SMARCA2: variants seen among roughly 807,000 people sequenced by gnomAD.
The protein encoded by SMARCA2 is SWI/SNF related BAF chromatin remodeling complex subunit ATPase 2.
A neutral mutation model predicts 199.8 loss-of-function variants in SMARCA2; 61 were observed. The observed-to-expected ratio is 0.31, with a 90% CI of 0.25 to 0.38. SMARCA2 has a LOEUF of 0.38. Ranked by LOEUF, SMARCA2 falls within the 10% of genes least tolerant of loss-of-function variation. SMARCA2 has a pLI of 1.00. For missense variants in SMARCA2, 1,344 were observed against 2,012.2 expected (o/e 0.67, Z 6.35); for synonymous variants, 935 against 732.0 (o/e 1.28, Z -4.48).
chr9:2,159,923 T>C (rs750728602), intron 27 of SMARCA2: 10 of 1,604,932 alleles, frequency 6.2e-6, no homozygotes, highest in Admixed American at 1.7e-5. Context: ...AATATCCTTT[T>C]TCGTTGCCGT....
intron 27 of SMARCA2, among the ~76,000 whole-genome samples, chr9:2,137,040 T>G (rs1392593402): frequency 6.6e-6 from 1 of 152,168 alleles, no homozygotes; most frequent in African/African-American, 2.4e-5. Flanking sequence ...GCTAGGAGAC[T>G]CAAGCCTTCT....
chr9:2,063,901 T>C (rs1177766408), intron 9 of SMARCA2, among the ~76,000 whole-genome samples: 1 of 152,208 alleles, frequency 6.6e-6, no homozygotes, highest in African/African-American at 2.4e-5. Context: ...GAAGTACACA[T>C]TTATAAATCA....
Position 2,070,486 on chromosome 9 carries a change from T to C in SMARCA2, c.1746+15T>C, listed in dbSNP as rs777489772. 6.2e-7 allele frequency: 1 copy of C among 1,601,992 alleles called. No individual in the cohort carries two copies. Among genetic ancestry groups the C allele is most frequent in the Non-Finnish European group, 8.6e-7 (1 of 1,169,190 alleles). On this transcript the variant is annotated intron_variant, in intron 10 of 33. Coordinates refer to ENST00000349721, the MANE Select transcript of SMARCA2 (RefSeq NM_003070.5). The stretch of plus-strand genomic sequence containing the variant: ...CGGATGGAGAGGTAAGGGATCGTCA[T>C]CCTTTCCACTGTGTTCTGCTGAATG...
At chr9:2,153,798 G>A (rs563669520) in intron 27 of SMARCA2, among the ~76,000 whole-genome samples, 3 of 151,664 alleles carry the variant, frequency 2.0e-5, no homozygotes, top group South Asian at 2.1e-4. Flanking sequence ...GGTTCCACAC[G>A]TCTATGCAAA....
intron 27 of SMARCA2, chr9:2,160,427 C>A: frequency 1.8e-6 from 1 of 543,250 alleles, no homozygotes; most frequent in Non-Finnish European, 3.3e-6. Flanking sequence ...TTTTAAAAAT[C>A]CCACTGGCAT....
At chr9:2,153,201 A>G (rs1301881147) in intron 27 of SMARCA2, among the ~76,000 whole-genome samples, 6 of 152,344 alleles carry the variant, frequency 3.9e-5, no homozygotes, top group East Asian at 3.9e-4. Flanking sequence ...TGTATTCTAT[A>G]TCGTAAGTTA....
At position 2,096,600 on chromosome 9, in the gene SMARCA2, T is replaced by A. The variant is rs890594076; in HGVS notation, c.2884-57T>A. On this transcript the variant is annotated intron_variant, in intron 19 of 33. Transcript: ENST00000349721. ...AGTGACACTGACTCAGCAGTCTTCT[T>A]AGAACAGGCGCCTTCTCCTTCCTGC... The A allele has an allele frequency of 1.9e-5, 21 of 1,083,186 alleles. No homozygotes were observed. In the African/African-American group the frequency reaches 2.9e-4, roughly 15 times the overall value. 67.1% of individuals were successfully genotyped at this position (1,083,186 alleles called of 1,614,324 possible). A position where few individuals can be genotyped will look rare whatever the true frequency, so the allele number is the denominator to read the frequency against.
At chr9:2,114,392 C>G (rs536724468) in intron 24 of SMARCA2, among the ~76,000 whole-genome samples, 32 of 152,192 alleles carry the variant, frequency 2.1e-4, no homozygotes, top group Non-Finnish European at 1.5e-5. Flanking sequence ...TCCAGGGCAG[C>G]CTTTTGTCTG....
intron 29 of SMARCA2, among the ~76,000 whole-genome samples, chr9:2,174,027 T>C (rs889323337): frequency 1.3e-5 from 2 of 152,230 alleles, no homozygotes; most frequent in African/African-American, 4.8e-5. Context: ...GACTCGATAC[T>C]TATTTATGGT....
In SMARCA2 at chr9:2,192,755, T is replaced by A. The variant is rs768982865; in HGVS notation, c.*16T>A. ...TGATGAGTGATCAGTATGGACCTTT[T>A]TCCTTGGTAGAACTGAATTCCTTCC... On this transcript the variant is annotated 3_prime_UTR_variant, in exon 34 of 34. Transcript: ENST00000349721. 1 of 1,594,892 alleles carries A rather than the reference T, an allele frequency of 6.3e-7. No individual in the cohort carries two copies. The highest frequency in any genetic ancestry group is 8.6e-7 in the Non-Finnish European group (1 of 1,162,698).
At chr9:2,160,506 G>A in intron 27 of SMARCA2, 5 of 622,898 alleles carry the variant, frequency 8.0e-6, no homozygotes, top group South Asian at 5.6e-5. Context: ...TTTTCAGGAA[G>A]CGTTGTACAT....
chr9:2,029,289 T>C lies in SMARCA2; in HGVS notation c.225+42T>C. ...CCATTCAAACTCAACTTCTGATAAG[T>C]GGATGGCTAATATTTCTGATAACCC... On this transcript the variant is annotated intron_variant, in intron 2 of 33. Coordinates refer to ENST00000349721, the MANE Select transcript of SMARCA2 (RefSeq NM_003070.5). 3 of 1,572,400 alleles carry C rather than the reference T, an allele frequency of 1.9e-6. No homozygotes were observed. In the South Asian group the frequency reaches 3.5e-5, roughly 18 times the overall value.
rs1563780933 is a variant in SMARCA2 at position 2,119,439 on chromosome 9, ACT to A, written c.3685-16_3685-15del. The A allele has an allele frequency of 1.3e-6, 2 of 1,583,256 alleles. No homozygotes were observed. The highest frequency in any genetic ancestry group is 1.7e-5 in the Admixed American group (1 of 59,984). ...CCCCAGCTGTCCACTGGTTAAAATC[ACT>A]CTGTTTTTAACCCCAGGAAGAAGAT... On this transcript the variant is annotated splice_polypyrimidine_tract_variant and intron_variant, in intron 25 of 33. Transcript: ENST00000349721. This position sits in a 1 kb window ranked among gnomAD's most constrained non-coding sequence, Gnocchi z 4.6.
rs369281552 is a variant in SMARCA2 at position 2,084,248 on chromosome 9, T to G, written c.2526+52T>G. On this transcript the variant is annotated intron_variant, in intron 17 of 33. Coordinates refer to ENST00000349721, the MANE Select transcript of SMARCA2 (RefSeq NM_003070.5). Reference sequence around the variant, plus strand: ...TCTAATTAGGACCATTGCACTGGAATGTGAAGTATTGCCCAAGTCAGTAGT... The same window carrying G: ...TCTAATTAGGACCATTGCACTGGAAGGTGAAGTATTGCCCAAGTCAGTAGT... 5.6e-4 allele frequency: 512 copies of G among 913,272 alleles called. 1 individual carries two copies. The highest frequency in any genetic ancestry group is 8.2e-4 in the Non-Finnish European group (468 of 571,434). 56.6% of individuals were successfully genotyped at this position (913,272 alleles called of 1,614,324 possible). A position where few individuals can be genotyped will look rare whatever the true frequency, so the allele number is the denominator to read the frequency against.
chr9:2,105,336 C>A (rs1480396305), intron 23 of SMARCA2, among the ~76,000 whole-genome samples: 1 of 152,120 alleles, frequency 6.6e-6, no homozygotes, highest in Non-Finnish European at 1.5e-5. Flanking sequence ...ACTTCTGCCA[C>A]CCGGGTTCAG....
intron 32 of SMARCA2, among the ~76,000 whole-genome samples, chr9:2,188,393 C>G (rs1827640737): frequency 6.6e-6 from 1 of 152,074 alleles, no homozygotes; most frequent in Non-Finnish European, 1.5e-5. Context: ...ACATAAGCGA[C>G]TCTTTCCCAA....
chr9:2,173,111 G>C (rs1435893614), intron 29 of SMARCA2, among the ~76,000 whole-genome samples: 1 of 152,194 alleles, frequency 6.6e-6, no homozygotes, highest in East Asian at 1.9e-4. Flanking sequence ...TCTCTGCCCT[G>C]AGTGATCAGT....
chr9:2,186,103 A>C lies in SMARCA2; in HGVS notation c.4469A>C (p.Glu1490Ala). 6.2e-7 allele frequency: 1 copy of C among 1,614,034 alleles called. No homozygotes were observed. Among genetic ancestry groups the C allele is most frequent in the Non-Finnish European group, 8.5e-7 (1 of 1,179,902 alleles). The change falls in exon 32 of 34, where the codon GAA becomes GCA. Residue 1490 changes from glutamate (E) to alanine (A), a missense_variant. Glu to Ala is a moderately radical substitution (Grantham distance 107, BLOSUM62 -1). Transcript: ENST00000349721. The stretch of plus-strand genomic sequence containing the variant: ...GCCCCTTTGACCATTTAGATCTATG[A>C]AGACTCCATCGTCTTACAGTCAGTG... ...TFNLEGSQIY[E>A]DSIVLQSVFK...
In SMARCA2 at chr9:2,073,609, G is replaced by T; in HGVS notation, c.1921G>T (p.Asp641Tyr). 1 of 1,610,092 alleles carries T rather than the reference G, an allele frequency of 6.2e-7. No individual in the cohort carries two copies. The highest frequency in any genetic ancestry group is 8.5e-7 in the Non-Finnish European group (1 of 1,176,422). The change falls in exon 12 of 34, where the codon GAT becomes TAT. Residue 641 changes from aspartate to tyrosine, a missense_variant. Around this residue, in one of 18 missense-constraint regions of SMARCA2, gnomAD observed 106 missense variants for 179.7 expected, o/e 0.59. Transcript: ENST00000349721. ...PRSDSEESDS[D>Y]YEEEDEEEES... ...ATCTGACAGTGAAGAGAGTGATTCTGATTATGAGGAAGAGGTATGTATGTA... is the reference window on the plus strand; with the variant it reads ...ATCTGACAGTGAAGAGAGTGATTCTTATTATGAGGAAGAGGTATGTATGTA...
Sources: gnomAD v4.1 joint callset for allele counts (sites outside exome capture counted in the v4.1 genomes callset) on GRCh38, gnomAD v4.1.1 for gene constraint, gnomAD v4.1.1 regional missense constraint, Gnocchi (gnomAD v3.1) non-coding constraint, MANE v1.5 for transcripts, NCBI Gene and HGNC (gene_info 2026-07-23, HGNC 2026-07-21) for gene names.